PCED1B: variants seen among roughly 807,000 people sequenced by gnomAD.
PCED1B encodes the protein PC-esterase domain-containing protein 1B.
For synonymous variants in PCED1B, 251 were observed against 246.1 expected (o/e 1.02, Z -0.19); for missense variants, 573 against 573.9 (o/e 1.00, Z 0.02).
intron 2 of PCED1B, among the ~76,000 whole-genome samples, chr12:47,164,763 C>T (rs181334356): frequency 1.2e-4 from 18 of 152,342 alleles, no homozygotes; most frequent in East Asian, 3.9e-4. Context: ...TCCATCACTC[C>T]GGCATTTTGC....
intron 3 of PCED1B, among the ~76,000 whole-genome samples, chr12:47,234,683 T>G (rs1473411960): frequency 1.3e-5 from 2 of 152,188 alleles, no homozygotes; most frequent in African/African-American, 4.8e-5. Flanking sequence ...CTGCTAGCAC[T>G]CTCATCCCTG....
intron 2 of PCED1B, among the ~76,000 whole-genome samples, chr12:47,181,493 A>G (rs1458716456): frequency 2.6e-5 from 4 of 151,662 alleles, no homozygotes; most frequent in African/African-American, 9.7e-5. Context: ...CCTCCCGACT[A>G]GCTGGGATTA....
chr12:47,169,360 G>A (rs1178573451), intron 2 of PCED1B, among the ~76,000 whole-genome samples: 1 of 152,112 alleles, frequency 6.6e-6, no homozygotes, highest in Non-Finnish European at 1.5e-5. Context: ...TACCTCTCAT[G>A]TGAGGGTCTT....
In PCED1B at chr12:47,235,955, A is replaced by G. The variant is rs752052648; in HGVS notation, c.892A>G (p.Thr298Ala). 2 of 1,580,916 alleles carry G rather than the reference A, an allele frequency of 1.3e-6. No homozygotes were observed. Among genetic ancestry groups the G allele is most frequent in the Non-Finnish European group, 1.7e-6 (2 of 1,165,916 alleles). Residue 298 changes from threonine to alanine, a missense_variant, in exon 4 of 4, where the codon ACA (threonine) becomes GCA (alanine). Physicochemically the swap from Thr to Ala is moderately conservative, Grantham distance 58. Transcript: ENST00000546455. ...LPLSPPLPSP[T>A]YRPLLGFPPQ... Reference sequence around the variant, plus strand: ...TCTGTCCCCACCCTTACCTTCCCCCACATACCGCCCCCTGCTTGGGTTCCC... The same window carrying G: ...TCTGTCCCCACCCTTACCTTCCCCCGCATACCGCCCCCTGCTTGGGTTCCC...
At chr12:47,172,032 G>A (rs953901874) in intron 2 of PCED1B, among the ~76,000 whole-genome samples, 1 of 152,040 alleles carries the variant, frequency 6.6e-6, no homozygotes, top group Admixed American at 6.5e-5. Flanking sequence ...AATCTTACCA[G>A]AATATGTCTA....
chr12:47,140,959 T>G (rs540968929), intron 2 of PCED1B, among the ~76,000 whole-genome samples: 36 of 152,270 alleles, frequency 2.4e-4, no homozygotes, highest in African/African-American at 8.2e-4. Flanking sequence ...AAAACATTCT[T>G]GGTACTTTCA....
At position 47,222,096 on chromosome 12, in the gene PCED1B, C is replaced by CT. The variant is rs1943493677; in HGVS notation, c.-58+5408dup. Among the ~76,000 whole-genome samples the CT allele has an allele frequency of 2.5e-5, 3 of 120,650 alleles. No homozygotes were observed. The South Asian group carries it at 9.0e-4, about 36-fold the overall frequency. 79.2% of individuals were successfully genotyped at this position (120,650 alleles called of 152,430 possible). Reference sequence around the variant, plus strand: ...CCAGCCTGGGTGACAGAGTGAGACTCTATCTCTTAAAAAAAAAATTAAAAA... The same window carrying CT: ...CCAGCCTGGGTGACAGAGTGAGACTCTTATCTCTTAAAAAAAAAATTAAAAA... On this transcript the variant is annotated intron_variant, in intron 3 of 3. Coordinates refer to ENST00000546455, the MANE Select transcript of PCED1B (RefSeq NM_138371.3).
intron 2 of PCED1B, chr12:47,205,864 A>G (rs1942896033): frequency 6.6e-6 from 1 of 152,184 alleles, no homozygotes; most frequent in African/African-American, 2.4e-5. Context: ...AGGGAATTGG[A>G]ATAGAGAAAG....
At chr12:47,233,724 TAGGGCAGATAAGAGG>T (rs896099557) in intron 3 of PCED1B, among the ~76,000 whole-genome samples, 2 of 152,174 alleles carry the variant, frequency 1.3e-5, no homozygotes, top group Non-Finnish European at 2.9e-5. Context: ...GCCCTGATTC[TAGGGCAGATAAGAGG>T]AGGGCAGATA....
At chr12:47,173,756 TTCA>T (rs1477512733) in intron 2 of PCED1B, among the ~76,000 whole-genome samples, 2 of 152,198 alleles carry the variant, frequency 1.3e-5, no homozygotes, top group African/African-American at 4.8e-5. Flanking sequence ...AGAGATTATC[TTCA>T]TCAATTGTTT....
At chr12:47,141,109 C>G (rs1940574618) in intron 2 of PCED1B, among the ~76,000 whole-genome samples, 1 of 152,190 alleles carries the variant, frequency 6.6e-6, no homozygotes, top group African/African-American at 2.4e-5. Flanking sequence ...CCTGGCTTTG[C>G]TCTTTACTAG....
intron 2 of PCED1B, among the ~76,000 whole-genome samples, chr12:47,192,171 T>TG (rs1473332576): frequency 6.6e-6 from 1 of 151,048 alleles, no homozygotes; most frequent in East Asian, 2.0e-4. Flanking sequence ...CTTTTTTTTT[T>TG]TGTTTTTTTT....
At chr12:47,189,340 C>G (rs896080511) in intron 2 of PCED1B, among the ~76,000 whole-genome samples, 1 of 152,126 alleles carries the variant, frequency 6.6e-6, no homozygotes, top group Admixed American at 6.6e-5. Context: ...GCTTGGTTAG[C>G]AGAAGGCAGA....
At chr12:47,231,755 G>A (rs1943814684) in intron 3 of PCED1B, among the ~76,000 whole-genome samples, 1 of 152,188 alleles carries the variant, frequency 6.6e-6, no homozygotes, top group South Asian at 2.1e-4. Flanking sequence ...TAAATTATTA[G>A]ATCTGCCAGC....
intron 2 of PCED1B, among the ~76,000 whole-genome samples, chr12:47,163,181 C>T (rs1359834984): frequency 6.6e-6 from 1 of 152,058 alleles, no homozygotes; most frequent in South Asian, 2.1e-4. Flanking sequence ...CTTTTTGATG[C>T]TATGAAATTG....
intron 2 of PCED1B, among the ~76,000 whole-genome samples, chr12:47,169,811 T>TGCC (rs1487275950): frequency 6.7e-6 from 1 of 149,838 alleles, no homozygotes; most frequent in Non-Finnish European, 1.5e-5. Context: ...ACTATTATCA[T>TGCC]GCCGCTGTAT....
At chr12:47,196,857 A>T (rs1415582582) in intron 2 of PCED1B, among the ~76,000 whole-genome samples, 1 of 152,028 alleles carries the variant, frequency 6.6e-6, no homozygotes, top group African/African-American at 2.4e-5. Context: ...AATAAACTTT[A>T]TATATGAAAA....
chr12:47,235,570 C>T lies in PCED1B; in HGVS notation c.507C>T (p.Gly169=), dbSNP rs766321193. 2.5e-6 allele frequency: 4 copies of T among 1,608,424 alleles called. No individual in the cohort carries two copies. The highest frequency in any genetic ancestry group is 1.3e-5 in the African/African-American group (1 of 74,788). The change falls in exon 4 of 4, where the codon GGC becomes GGT. Residue 169 remains glycine, a synonymous_variant. Coordinates refer to ENST00000546455, the MANE Select transcript of PCED1B (RefSeq NM_138371.3). The stretch of plus-strand genomic sequence containing the variant: ...TGTGGAACACGGCCATGCCTGTGGG[C>T]GAGGAAGTCACCGGGGGTTTTCTTC... ...LLVWNTAMPV[G]EEVTGGFLPP...
chr12:47,171,573 C>T (rs1446480367), intron 2 of PCED1B, among the ~76,000 whole-genome samples: 1 of 152,186 alleles, frequency 6.6e-6, no homozygotes, highest in Non-Finnish European at 1.5e-5. Flanking sequence ...CTCTCTTCAT[C>T]TTCTACTCTG....
Sources: allele counts gnomAD v4.1 joint callset (sites outside exome capture counted in the v4.1 genomes callset), GRCh38; gene constraint gnomAD v4.1.1; transcripts MANE v1.5; gene names NCBI Gene and HGNC (gene_info 2026-07-23, HGNC 2026-07-21).